The following LOC128706665 variants were observed in gnomAD, a reference collection of about 807,000 sequenced individuals.
At chr20:10,429,376 T>C in the LOC128706665 span, among the ~76,000 whole-genome samples, 1 of 152,202 alleles carries the variant, frequency 6.6e-6, no homozygotes, top group Non-Finnish European at 1.5e-5. Flanking sequence ...TTTGGTAGTG[T>C]TTGTTTCCTG....
chr20:10,415,401 T>C, the LOC128706665 span, among the ~76,000 whole-genome samples: 5 of 152,206 alleles, frequency 3.3e-5, no homozygotes, highest in Admixed American at 2.6e-4. Flanking sequence ...GGGAATGTTA[T>C]GCAAATGTTA....
At chr20:10,419,063 T>A in the LOC128706665 span, among the ~76,000 whole-genome samples, 1 of 152,120 alleles carries the variant, frequency 6.6e-6, no homozygotes, top group African/African-American at 2.4e-5. Context: ...AAATCTTGAT[T>A]TAAAATATTG....
At chr20:10,433,640 T>C in the LOC128706665 span, among the ~76,000 whole-genome samples, 96 of 152,286 alleles carry the variant, frequency 6.3e-4, no homozygotes, top group African/African-American at 2.1e-3. Context: ...GCGGCTGCTT[T>C]CACGTAGCTG....
the LOC128706665 span, among the ~76,000 whole-genome samples, chr20:10,428,595 C>T: frequency 6.6e-6 from 1 of 152,084 alleles, no homozygotes; most frequent in Admixed American, 6.6e-5. Context: ...TTCCAGCACT[C>T]GGGGAGGCTG....
chr20:10,420,174 T>TA, the LOC128706665 span, among the ~76,000 whole-genome samples: 166 of 148,980 alleles, frequency 1.1e-3, no homozygotes, highest in South Asian at 2.4e-3. Context: ...TTTGTATTGT[T>TA]AAAAAAAAAA....
At chr20:10,426,129 T>C in the LOC128706665 span, among the ~76,000 whole-genome samples, 350 of 152,364 alleles carry the variant, frequency 2.3e-3, 1 homozygote, top group African/African-American at 7.8e-3. Flanking sequence ...ATAGCAACTT[T>C]ATGAGATCAT....
the LOC128706665 span, among the ~76,000 whole-genome samples, chr20:10,421,107 A>G: frequency 1.4e-5 from 2 of 147,902 alleles, no homozygotes; most frequent in Non-Finnish European, 3.0e-5. Flanking sequence ...ATAGAGTAAG[A>G]GCCTTTTTTT....
the LOC128706665 span, among the ~76,000 whole-genome samples, chr20:10,415,009 A>C: frequency 6.6e-6 from 1 of 152,218 alleles, no homozygotes; most frequent in Non-Finnish European, 1.5e-5. Context: ...TTGCAATTCA[A>C]TTTCAAAGTC....
At chr20:10,426,588 G>A in the LOC128706665 span, among the ~76,000 whole-genome samples, 15 of 152,160 alleles carry the variant, frequency 9.9e-5, no homozygotes, top group Admixed American at 7.2e-4. Flanking sequence ...TAGTAGAGAC[G>A]GGGTTTCACC....
At chr20:10,430,895 C>T in the LOC128706665 span, among the ~76,000 whole-genome samples, 6 of 152,302 alleles carry the variant, frequency 3.9e-5, no homozygotes, top group East Asian at 1.9e-4. Flanking sequence ...TTTTCAGACA[C>T]GCTGTTGGTC....
At chr20:10,416,482 A>G in the LOC128706665 span, among the ~76,000 whole-genome samples, 12 of 152,160 alleles carry the variant, frequency 7.9e-5, no homozygotes, top group African/African-American at 2.7e-4. Flanking sequence ...TAGCATTAAA[A>G]AAAAACATGA....
the LOC128706665 span, among the ~76,000 whole-genome samples, chr20:10,424,707 A>T: frequency 1.3e-5 from 2 of 152,264 alleles, no homozygotes; most frequent in Non-Finnish European, 2.9e-5. Flanking sequence ...TGGGGATACA[A>T]TTTAAATTTA....
the LOC128706665 span, among the ~76,000 whole-genome samples, chr20:10,433,798 G>A: frequency 6.6e-6 from 1 of 152,168 alleles, no homozygotes; most frequent in African/African-American, 2.4e-5. Flanking sequence ...CACAGGTTCG[G>A]CGTAGAAGGC....
the LOC128706665 span, among the ~76,000 whole-genome samples, chr20:10,430,341 C>CTTCA: frequency 6.6e-6 from 1 of 152,194 alleles, no homozygotes; most frequent in Admixed American, 6.5e-5. Context: ...TCTCATTGTG[C>CTTCA]TTCAGTTCCA....
At chr20:10,423,719 A>C in the LOC128706665 span, among the ~76,000 whole-genome samples, 52 of 152,332 alleles carry the variant, frequency 3.4e-4, no homozygotes, top group Non-Finnish European at 6.2e-4. Context: ...TTTTATGTAT[A>C]TTGTGCTTAA....
At chr20:10,430,164 T>C in the LOC128706665 span, among the ~76,000 whole-genome samples, 26 of 152,374 alleles carry the variant, frequency 1.7e-4, no homozygotes, top group African/African-American at 6.0e-4. Context: ...CACTAGGATC[T>C]AGATCCTGCC....
the LOC128706665 span, chr20:10,434,131 C>T: frequency 2.6e-5 from 4 of 152,342 alleles, no homozygotes; most frequent in South Asian, 2.1e-4. Flanking sequence ...GTCGCGCCGC[C>T]CCAGGCCGCC....
the LOC128706665 span, among the ~76,000 whole-genome samples, chr20:10,429,348 C>T: frequency 2.6e-5 from 4 of 152,278 alleles, no homozygotes; most frequent in African/African-American, 9.6e-5. Flanking sequence ...ACCTATTCAT[C>T]CTTATCAAAG....
At chr20:10,421,168 G>A in the LOC128706665 span, among the ~76,000 whole-genome samples, 10 of 152,014 alleles carry the variant, frequency 6.6e-5, no homozygotes, top group Admixed American at 6.6e-4. Flanking sequence ...GGTGGCTCAC[G>A]CCTGTATTCC....
Sources: gnomAD v4.1 joint callset for allele counts (sites outside exome capture counted in the v4.1 genomes callset) on GRCh38, gnomAD v4.1.1 for gene constraint, MANE v1.5 for transcripts.